The following FLT4 variants were observed in gnomAD, a reference collection of about 807,000 sequenced individuals.
FLT4 encodes vascular endothelial growth factor receptor 3.
In FLT4, 30 loss-of-function variants were observed where a neutral mutation model predicts 163.2. The observed-to-expected ratio is 0.18, with a 90% CI of 0.14 to 0.25. FLT4 has a LOEUF of 0.25. FLT4 is among the 10% of genes least tolerant of loss of function. FLT4 has a pLI of 1.00. For synonymous variants in FLT4, 884 were observed against 789.5 expected (o/e 1.12, Z -2.01); for missense variants, 1,510 against 1,863.8 (o/e 0.81, Z 3.50).
In FLT4 at chr5:180,601,715, C is replaced by CCCGGCGCGCCAGGAGCCAGG; in HGVS notation, c.*1476_*1477insCCTGGCTCCTGGCGCGCCGG. ...CAACCTCCAGATCCTCCCAGGGAAG[C>CCCGGCGCGCCAGGAGCCAGG]CTGACACGCCAGTCCCACGTTGGAC... is the stretch of plus-strand genomic sequence containing the variant. On this transcript the variant is annotated 3_prime_UTR_variant, in exon 30 of 30. Coordinates refer to ENST00000261937, the MANE Select transcript of FLT4 (RefSeq NM_182925.5). 4.3e-6 allele frequency: 1 copy of CCCGGCGCGCCAGGAGCCAGG among 233,304 alleles called. No individual in the cohort carries two copies. The highest frequency in any genetic ancestry group is 8.5e-6 in the Non-Finnish European group (1 of 118,102). 14.5% of individuals were successfully genotyped at this position (233,304 alleles called of 1,614,324 possible).
intron 22 of FLT4, 26 bp from the exon 23 acceptor site, chr5:180,616,515 G>C: frequency 6.2e-7 from 1 of 1,613,002 alleles, no homozygotes; most frequent in Admixed American, 1.7e-5. Context: ...GCGGCAGGGG[G>C]GCTGTCAGTG....
chr5:180,642,916 G>T (rs1765232910), intron 1 of FLT4, among the ~76,000 whole-genome samples: 1 of 152,226 alleles, frequency 6.6e-6, no homozygotes, highest in African/African-American at 2.4e-5. Flanking sequence ...GTGAAGCACA[G>T]CCCTACGCAT....
At chr5:180,607,500 G>T (rs1315929811) in intron 29 of FLT4, among the ~76,000 whole-genome samples, 1 of 151,948 alleles carries the variant, frequency 6.6e-6, no homozygotes, top group East Asian at 1.9e-4. Flanking sequence ...AATTAGCCGG[G>T]CGTGGTGGCG....
At chr5:180,614,032 C>T (rs775792071) in intron 24 of FLT4, 36 bp downstream of exon 24, 5 of 1,445,324 alleles carry the variant, frequency 3.5e-6, no homozygotes, top group African/African-American at 1.4e-5. Flanking sequence ...AGTGACCTCG[C>T]CTCCTCTCCC....
chr5:180,607,533 C>T (rs918534242), intron 29 of FLT4, among the ~76,000 whole-genome samples: 8 of 151,290 alleles, frequency 5.3e-5, no homozygotes, highest in Non-Finnish European at 1.0e-4. Flanking sequence ...CCCAGCTACT[C>T]GGAAGGCTGA....
chr5:180,611,068 T>A (rs917146680), intron 27 of FLT4, among the ~76,000 whole-genome samples: 7 of 151,764 alleles, frequency 4.6e-5, no homozygotes, highest in African/African-American at 1.7e-4. Flanking sequence ...AAAAAATAAA[T>A]AAATAAATAA....
chr5:180,625,390 C>T (rs1269635730), intron 10 of FLT4, among the ~76,000 whole-genome samples: 1 of 152,224 alleles, frequency 6.6e-6, no homozygotes, highest in African/African-American at 2.4e-5. Flanking sequence ...CCCTATTTCC[C>T]TGTCTCTAAG....
At position 180,614,480 on chromosome 5, in the gene FLT4, G is replaced by A. The variant is rs1393159688; in HGVS notation, c.3220-301C>T. 1.3e-5 allele frequency among the ~76,000 whole-genome samples: 2 copies of A among 152,024 alleles called. 1 individual carries two copies. The highest frequency in any genetic ancestry group is 2.9e-5 in the Non-Finnish European group (2 of 67,976). On this transcript the variant is annotated intron_variant, in intron 23 of 29. Transcript: ENST00000261937. ...GGGGTAGACTGTACACCTTCCTCCA[G>A]CCCTAGACCTCCAGCGCAGCCTCCT...
rs918440567 is a variant in FLT4 at position 180,602,985 on chromosome 5, G to A, written c.*207C>T. ...GGGGAGGGGCCGGGGCAGCTGGAGC[G>A]TGGCCCTGGCCAGTCGTGGTGACGG... On this transcript the variant is annotated 3_prime_UTR_variant, in exon 30 of 30. Transcript: ENST00000261937. 1.5e-4 allele frequency: 89 copies of A among 609,418 alleles called. No homozygotes were observed. The highest frequency in any genetic ancestry group is 1.1e-4 in the Admixed American group (4 of 35,150). The allele number at this position is 609,418 out of a possible 1,614,324, so 37.8% of individuals were successfully genotyped here.
In FLT4 at chr5:180,621,891, G is replaced by A. The variant is rs2127817867; in HGVS notation, c.1671C>T (p.Gly557=). ...CGGATGGCTTGGATTCGATGGTGAAGCCGTCGGGGATGGCTGTGGAGGGAG... is the reference window on the plus strand; with the variant it reads ...CGGATGGCTTGGATTCGATGGTGAAACCGTCGGGGATGGCTGTGGAGGGAG... ...IYFYVTTIPD[G]FTIESKPSEE... is the part of the protein sequence containing the mutation. The change falls in exon 13 of 30, where the codon GGC becomes GGT. Residue 557 remains glycine, a synonymous_variant. Coordinates refer to ENST00000261937, the MANE Select transcript of FLT4 (RefSeq NM_182925.5). 1.2e-6 allele frequency: 2 copies of A among 1,613,504 alleles called. No individual in the cohort carries two copies. The highest frequency in any genetic ancestry group is 1.7e-6 in the Non-Finnish European group (2 of 1,179,980).
intron 1 of FLT4, among the ~76,000 whole-genome samples, chr5:180,638,670 C>G (rs1269693983): frequency 6.6e-6 from 1 of 152,214 alleles, no homozygotes; most frequent in African/African-American, 2.4e-5. Context: ...ACATTCACGT[C>G]CTCCAGCCAC....
chr5:180,607,347 A>G (rs766241943), intron 29 of FLT4, among the ~76,000 whole-genome samples: 9 of 152,156 alleles, frequency 5.9e-5, no homozygotes, highest in Non-Finnish European at 1.2e-4. Flanking sequence ...TATAATAAAG[A>G]AAACAGTGGC....
At chr5:180,609,483 C>T (rs1313682826) in intron 28 of FLT4, 2 of 356,470 alleles carry the variant, frequency 5.6e-6, no homozygotes, top group African/African-American at 2.1e-5. Context: ...TTGAATTACA[C>T]GGGAGGGAAA....
chr5:180,603,890 T>A (rs574907310), intron 29 of FLT4, among the ~76,000 whole-genome samples: 14 of 141,950 alleles, frequency 9.9e-5, no homozygotes, highest in Non-Finnish European at 1.8e-4. Context: ...GGCGACAGAG[T>A]GAGACTCCAT....
At chr5:180,622,371 A>G (rs1166429869) in intron 12 of FLT4, among the ~76,000 whole-genome samples, 1 of 152,010 alleles carries the variant, frequency 6.6e-6, no homozygotes, top group Non-Finnish European at 1.5e-5. Flanking sequence ...TCACTACCAC[A>G]TTTGAAAATC....
chr5:180,632,757 G>A (rs1764285231), intron 1 of FLT4, among the ~76,000 whole-genome samples: 1 of 152,166 alleles, frequency 6.6e-6, no homozygotes, highest in Non-Finnish European at 1.5e-5. Context: ...GCATGTTTGT[G>A]TATCTCGGAC....
At chr5:180,615,768 C>T (rs112601959) in intron 23 of FLT4, among the ~76,000 whole-genome samples, 21 of 6,956 alleles carry the variant, frequency 3.0e-3, no homozygotes, top group Admixed American at 6.0e-3. Flanking sequence ...CACTTCCTTT[C>T]GGAGCACTGG....
At chr5:180,641,473 T>C (rs921469033) in intron 1 of FLT4, among the ~76,000 whole-genome samples, 7 of 152,162 alleles carry the variant, frequency 4.6e-5, no homozygotes, top group African/African-American at 1.7e-4. Context: ...GACACACACT[T>C]TCTGGGCAGC....
Position 180,649,502 on chromosome 5 carries a change from A to G in FLT4, c.44T>C (p.Leu15Pro), listed in dbSNP as rs1454894534. Reference protein sequence around the residue: ...AALCLRLWLCLGLLDGLVSGY... With the variant: ...AALCLRLWLCPGLLDGLVSGY... Reference sequence around the variant, plus strand: ...GCCGCGCTCACCGTCCAGGAGTCCCAGGCAGAGCCACAGTCGCAGGCACAG... The same window carrying G: ...GCCGCGCTCACCGTCCAGGAGTCCCGGGCAGAGCCACAGTCGCAGGCACAG... The change falls in exon 1 of 30, where the codon CTG becomes CCG. Residue 15 changes from leucine (L) to proline (P), a missense_variant. Leu to Pro is a moderately conservative substitution (Grantham distance 98). This residue lies in a region of FLT4 where 157 missense variants were observed against 178.7 expected (regional missense o/e 0.88). Transcript: ENST00000261937. 1 of 1,458,888 alleles carries G rather than the reference A, an allele frequency of 6.9e-7. No individual in the cohort carries two copies. The highest frequency in any genetic ancestry group is 9.0e-7 in the Non-Finnish European group (1 of 1,108,162). 90.4% of individuals were successfully genotyped at this position (1,458,888 alleles called of 1,614,324 possible).
Sources: allele counts gnomAD v4.1 joint callset (sites outside exome capture counted in the v4.1 genomes callset), GRCh38; gene constraint gnomAD v4.1.1; regional missense constraint gnomAD v4.1.1; transcripts MANE v1.5; gene names NCBI Gene and HGNC (gene_info 2026-07-23, HGNC 2026-07-21).